Variants in NECAB1 observed in about 807,000 individuals in gnomAD.
NECAB1 encodes N-terminal EF-hand calcium binding protein 1.
A neutral mutation model predicts 57.5 loss-of-function variants in NECAB1; 29 were observed. That is an observed-to-expected ratio of 0.50 (90% CI 0.38 to 0.69). The LOEUF is 0.69. Ranked by LOEUF, NECAB1 falls within the 30% of genes least tolerant of loss-of-function variation. The pLI, the probability that NECAB1 is intolerant of heterozygous loss-of-function variation, is 0.00. For synonymous variants in NECAB1, 142 were observed against 147.7 expected (o/e 0.96, Z 0.28); for missense variants, 372 against 413.8 (o/e 0.90, Z 0.88).
chr8:90,891,886 G>A (rs1408242114), intron 5 of NECAB1, among the ~76,000 whole-genome samples: 1 of 151,880 alleles, frequency 6.6e-6, no homozygotes, highest in Admixed American at 6.6e-5. Flanking sequence ...TAGAGACAGG[G>A]TTTCACCATA....
chr8:90,955,781 C>A lies in NECAB1; in HGVS notation c.*269C>A. 2.7e-6 allele frequency: 1 copy of A among 365,036 alleles called. No individual in the cohort carries two copies. The highest frequency in any genetic ancestry group is 4.9e-6 in the Non-Finnish European group (1 of 204,524). The allele number at this position is 365,036 out of a possible 1,614,324, so 22.6% of individuals were successfully genotyped here. On this transcript the variant is annotated 3_prime_UTR_variant, in exon 13 of 13. Transcript: ENST00000417640. The stretch of plus-strand genomic sequence containing the variant: ...CCTAAAACCTTTTAGTGACAAAATC[C>A]TAATATGTGGAAAAAAGCATATGCA...
intron 2 of NECAB1, among the ~76,000 whole-genome samples, chr8:90,815,061 TG>T (rs1209259034): frequency 1.3e-5 from 2 of 152,128 alleles, no homozygotes; most frequent in African/African-American, 4.8e-5. Context: ...TCTAGACTCC[TG>T]TCTTTGCTTG....
At position 90,830,411 on chromosome 8, in the gene NECAB1, G is replaced by A. The variant is rs570607026; in HGVS notation, c.233+5586G>A. Among the ~76,000 whole-genome samples, 5 of 152,206 alleles carry A rather than the reference G, an allele frequency of 3.3e-5. No individual in the cohort carries two copies. In the East Asian group the frequency reaches 9.7e-4, roughly 30 times the overall value. On this transcript the variant is annotated intron_variant, in intron 3 of 12. Coordinates refer to ENST00000417640, the MANE Select transcript of NECAB1 (RefSeq NM_022351.5). The stretch of plus-strand genomic sequence containing the variant: ...ACACAGGAAGGAACAAGAAAAGAGA[G>A]AGAGATGGTGTGGCTATATATCAAG...
At chr8:90,921,768 A>T (rs765155855) in intron 6 of NECAB1, among the ~76,000 whole-genome samples, 4 of 152,176 alleles carry the variant, frequency 2.6e-5, no homozygotes, top group Non-Finnish European at 4.4e-5. Context: ...CATCAACATT[A>T]CTTTGGGATT....
intron 3 of NECAB1, among the ~76,000 whole-genome samples, chr8:90,853,500 TTGAG>T (rs1332935044): frequency 4.6e-5 from 7 of 152,198 alleles, no homozygotes; most frequent in Admixed American, 1.3e-4. Context: ...TTGAGAATGA[TTGAG>T]TAACTTGCTT....
intron 3 of NECAB1, among the ~76,000 whole-genome samples, chr8:90,827,130 T>C (rs1472520472): frequency 6.6e-6 from 1 of 152,030 alleles, no homozygotes; most frequent in African/African-American, 2.4e-5. Context: ...ACTTTTATCT[T>C]TGCATGATCC....
At chr8:90,829,910 A>T (rs1244267230) in intron 3 of NECAB1, among the ~76,000 whole-genome samples, 1 of 152,112 alleles carries the variant, frequency 6.6e-6, no homozygotes, top group Non-Finnish European at 1.5e-5. Flanking sequence ...TCATGTGCCA[A>T]TGAGATAAAG....
chr8:90,855,971 AG>A (rs1379223729), intron 3 of NECAB1, among the ~76,000 whole-genome samples: 2 of 152,164 alleles, frequency 1.3e-5, no homozygotes, highest in Non-Finnish European at 2.9e-5. Context: ...GTTTGGGGGT[AG>A]GTAAAATCTT....
chr8:90,913,762 A>G (rs565580145), intron 5 of NECAB1, among the ~76,000 whole-genome samples: 1 of 152,276 alleles, frequency 6.6e-6, no homozygotes, highest in East Asian at 1.9e-4. Flanking sequence ...CTGCCTTCCA[A>G]AGGAACATCT....
In NECAB1 at chr8:90,921,916, T is replaced by A. The variant is rs950545018; in HGVS notation, c.495-3619T>A. ...GCAGTAATGAGGTAGACATGCCATG[T>A]TGGGCAAAATGTCTGTGTCTATTCA... On this transcript the variant is annotated intron_variant, in intron 6 of 12. Transcript: ENST00000417640. Among the ~76,000 whole-genome samples, 3 of 152,206 alleles carry A rather than the reference T, an allele frequency of 2.0e-5. No homozygotes were observed. The South Asian group carries it at 6.2e-4, about 32-fold the overall frequency.
At chr8:90,893,783 G>C (rs955572080) in intron 5 of NECAB1, among the ~76,000 whole-genome samples, 1 of 152,144 alleles carries the variant, frequency 6.6e-6, no homozygotes, top group Admixed American at 6.5e-5. Context: ...GGAGGTCTGG[G>C]GAAAAGAAAG....
intron 9 of NECAB1, among the ~76,000 whole-genome samples, chr8:90,937,360 AG>A (rs1489786027): frequency 6.6e-6 from 1 of 152,210 alleles, no homozygotes; most frequent in African/African-American, 2.4e-5. Context: ...GGATTATTAT[AG>A]GAAAGTACAG....
At chr8:90,800,936 G>C (rs1490055550) in intron 1 of NECAB1, among the ~76,000 whole-genome samples, 1 of 152,142 alleles carries the variant, frequency 6.6e-6, no homozygotes, top group African/African-American at 2.4e-5. Context: ...CATTACTAAA[G>C]AGTAATGGAT....
At chr8:90,936,962 A>C (rs1810554501) in intron 9 of NECAB1, among the ~76,000 whole-genome samples, 1 of 152,196 alleles carries the variant, frequency 6.6e-6, no homozygotes, top group Admixed American at 6.5e-5. Flanking sequence ...AAACTGAGAA[A>C]GAATTAAGTA....
intron 5 of NECAB1, among the ~76,000 whole-genome samples, chr8:90,906,887 A>ATATG (rs1554574066): frequency 8.2e-6 from 1 of 121,670 alleles, no homozygotes; most frequent in African/African-American, 3.7e-5. Context: ...ATATATATAT[A>ATATG]TATATATATA....
chr8:90,883,499 T>C (rs1808894731), intron 5 of NECAB1, among the ~76,000 whole-genome samples: 1 of 152,140 alleles, frequency 6.6e-6, no homozygotes, highest in African/African-American at 2.4e-5. Context: ...TTATGAAAAA[T>C]GAAATACAAG....
At chr8:90,945,147 A>C (rs919085921) in intron 10 of NECAB1, among the ~76,000 whole-genome samples, 1 of 152,044 alleles carries the variant, frequency 6.6e-6, no homozygotes, top group African/African-American at 2.4e-5. Flanking sequence ...GGCTCACTGC[A>C]ACCTCCACCT....
chr8:90,803,937 C>T (rs1811807094), intron 2 of NECAB1, among the ~76,000 whole-genome samples: 1 of 152,236 alleles, frequency 6.6e-6, no homozygotes, highest in Non-Finnish European at 1.5e-5. Context: ...GCCCCACCCT[C>T]TCCCTGTGTT....
intron 5 of NECAB1, among the ~76,000 whole-genome samples, chr8:90,886,747 A>G (rs538930975): frequency 6.6e-6 from 1 of 152,014 alleles, no homozygotes; most frequent in East Asian, 1.9e-4. Flanking sequence ...AAGTTTTATA[A>G]TTGTTTTTTT....
Sources: allele counts gnomAD v4.1 joint callset (sites outside exome capture counted in the v4.1 genomes callset), GRCh38; gene constraint gnomAD v4.1.1; transcripts MANE v1.5; gene names NCBI Gene and HGNC (gene_info 2026-07-23, HGNC 2026-07-21).